Variants in PTPRD observed in about 807,000 individuals in gnomAD.
PTPRD encodes the protein protein tyrosine phosphatase receptor type D.
PTPRD carries 34 observed loss-of-function variants against 214.5 expected under a neutral mutation model. The ratio of observed to expected loss-of-function variants is 0.16; its 90% CI spans 0.12 to 0.21. PTPRD has a LOEUF of 0.21. Ranked by LOEUF, PTPRD falls within the 10% of genes least tolerant of loss-of-function variation. The pLI is 1.00. For missense variants in PTPRD, 2,545 were observed against 2,398.7 expected (o/e 1.06, Z -1.27); for synonymous variants, 1,128 against 845.7 (o/e 1.33, Z -5.79).
chr9:9,233,553 C>G (rs1301023680), intron 9 of PTPRD, among the ~76,000 whole-genome samples: 1 of 152,136 alleles, frequency 6.6e-6, no homozygotes, highest in Admixed American at 6.5e-5. Context: ...CCCAAAAGTC[C>G]AAGTTCAAAG....
intron 9 of PTPRD, among the ~76,000 whole-genome samples, chr9:9,383,173 G>A (rs1395188712): frequency 6.6e-6 from 1 of 151,834 alleles, no homozygotes; most frequent in Admixed American, 6.6e-5. Flanking sequence ...TTCAGGTTTT[G>A]TGCTATTATA....
intron 10 of PTPRD, among the ~76,000 whole-genome samples, chr9:9,048,362 T>C (rs1402525453): frequency 6.6e-6 from 1 of 152,304 alleles, no homozygotes; most frequent in South Asian, 2.1e-4. Flanking sequence ...CCTATTTTTA[T>C]TGTAGCACCA....
chr9:9,648,301 G>T (rs527743038), intron 7 of PTPRD, among the ~76,000 whole-genome samples: 1 of 152,160 alleles, frequency 6.6e-6, no homozygotes, highest in South Asian at 2.1e-4. Flanking sequence ...GGAAGGTGCA[G>T]GGACTTTCCT....
chr9:9,484,342 G>A (rs1052083188), intron 8 of PTPRD, among the ~76,000 whole-genome samples: 1 of 152,020 alleles, frequency 6.6e-6, no homozygotes, highest in African/African-American at 2.4e-5. Flanking sequence ...TGAACTCCAA[G>A]AATAGACATG....
chr9:10,129,349 T>A (rs1036508531), intron 3 of PTPRD, among the ~76,000 whole-genome samples: 1 of 152,154 alleles, frequency 6.6e-6, no homozygotes, highest in Non-Finnish European at 1.5e-5. Flanking sequence ...AGTGTCCTTT[T>A]TAAGATCCCT....
chr9:8,853,629 T>C (rs933529322), intron 11 of PTPRD, among the ~76,000 whole-genome samples: 3 of 152,206 alleles, frequency 2.0e-5, no homozygotes, highest in African/African-American at 4.8e-5. Flanking sequence ...TGAAATTTAC[T>C]GACAAATTCC....
intron 2 of PTPRD, among the ~76,000 whole-genome samples, chr9:10,444,104 C>A (rs576061405): frequency 1.3e-5 from 2 of 151,792 alleles, no homozygotes; most frequent in African/African-American, 4.8e-5. Context: ...GCTTACATTT[C>A]TGTTGTAGCT....
At chr9:10,530,197 A>C (rs1242233635) in intron 2 of PTPRD, among the ~76,000 whole-genome samples, 1 of 152,158 alleles carries the variant, frequency 6.6e-6, no homozygotes, top group Non-Finnish European at 1.5e-5. Flanking sequence ...TTCAGCCTGA[A>C]ATTCCTGTGG....
At chr9:8,325,884 G>A (rs1401828458) in intron 44 of PTPRD, among the ~76,000 whole-genome samples, 1 of 151,916 alleles carries the variant, frequency 6.6e-6, no homozygotes, top group African/African-American at 2.4e-5. Flanking sequence ...TATTATTGGT[G>A]TATAGGAATG....
intron 44 of PTPRD, among the ~76,000 whole-genome samples, chr9:8,321,485 GTGTATATATATATATATATATA>G (rs1563890452): frequency 2.2e-5 from 1 of 45,402 alleles, no homozygotes; most frequent in Non-Finnish European, 3.7e-5. Flanking sequence ...GTGTGTGTGT[GTGTATATATATATATATATATA>G]TATATATATA....
intron 8 of PTPRD, among the ~76,000 whole-genome samples, chr9:9,491,708 G>C (rs1589768625): frequency 6.6e-6 from 1 of 151,758 alleles, no homozygotes; most frequent in Admixed American, 6.6e-5. Flanking sequence ...AAATCAGAGA[G>C]AAAATTTAAA....
At chr9:8,623,140 T>A (rs1025071022) in intron 14 of PTPRD, among the ~76,000 whole-genome samples, 1 of 151,900 alleles carries the variant, frequency 6.6e-6, no homozygotes, top group Admixed American at 6.6e-5. Flanking sequence ...GACAAAGTGG[T>A]ACCCTGTCTC....
At chr9:8,620,560 T>C (rs1036472063) in intron 14 of PTPRD, among the ~76,000 whole-genome samples, 3 of 152,112 alleles carry the variant, frequency 2.0e-5, no homozygotes, top group Non-Finnish European at 2.9e-5. Context: ...GATAGAAACC[T>C]TGACCTTTCA....
chr9:10,313,119 G>C (rs1010118124), intron 3 of PTPRD, among the ~76,000 whole-genome samples: 3 of 151,752 alleles, frequency 2.0e-5, no homozygotes, highest in African/African-American at 7.3e-5. Flanking sequence ...CCTTTCTGAA[G>C]ACCAGATTGG....
intron 12 of PTPRD, among the ~76,000 whole-genome samples, chr9:8,657,686 G>T (rs1596257627): frequency 1.3e-5 from 2 of 152,178 alleles, no homozygotes; most frequent in South Asian, 2.1e-4. Flanking sequence ...TGTTTTTGGG[G>T]TATTCATCAT....
chr9:10,086,884 G>C (rs1348615558), intron 3 of PTPRD, among the ~76,000 whole-genome samples: 1 of 151,628 alleles, frequency 6.6e-6, no homozygotes, highest in African/African-American at 2.4e-5. Context: ...CTATAAAACT[G>C]ATCTATACAA....
intron 2 of PTPRD, among the ~76,000 whole-genome samples, chr9:10,477,725 C>T (rs1029928095): frequency 2.0e-5 from 3 of 152,034 alleles, no homozygotes; most frequent in African/African-American, 7.3e-5. Context: ...GACTTGGAAC[C>T]AACCCAAATG....
chr9:8,700,758 C>G (rs2098060237), intron 12 of PTPRD: 1 of 152,174 alleles, frequency 6.6e-6, no homozygotes, highest in African/African-American at 2.4e-5. Flanking sequence ...TTTCAAATAC[C>G]CTTTAGCCAA....
chr9:9,130,087 AGT>A lies in PTPRD; in HGVS notation c.-143+53215_-143+53216del, dbSNP rs1238237502. On this transcript the variant is annotated intron_variant, in intron 10 of 45. Coordinates refer to ENST00000381196, the MANE Select transcript of PTPRD (RefSeq NM_002839.4). ...AGATATGCTTGTCTATCTTATGTTA[AGT>A]ACTAGGGATAGATTTCTGAAAAAGC... Among the ~76,000 whole-genome samples, 5 of 152,274 alleles carry A rather than the reference AGT, an allele frequency of 3.3e-5. No individual in the cohort carries two copies. In the East Asian group the frequency reaches 9.6e-4, roughly 29 times the overall value.
Sources: allele counts gnomAD v4.1 joint callset (sites outside exome capture counted in the v4.1 genomes callset), GRCh38; gene constraint gnomAD v4.1.1; transcripts MANE v1.5; gene names NCBI Gene and HGNC (gene_info 2026-07-23, HGNC 2026-07-21).